DOCK9: variants seen among roughly 807,000 people sequenced by gnomAD.
The protein encoded by DOCK9 is dedicator of cytokinesis protein 9.
In DOCK9, 89 loss-of-function variants were observed where a neutral mutation model predicts 263.3. The ratio of observed to expected loss-of-function variants is 0.34; its 90% CI spans 0.28 to 0.40. DOCK9 has a LOEUF of 0.40. Ranked by LOEUF, DOCK9 falls within the 10% of genes least tolerant of loss-of-function variation. The pLI, the probability that DOCK9 is intolerant of heterozygous loss-of-function variation, is 1.00. For missense variants in DOCK9, 2,140 were observed against 2,603.4 expected (o/e 0.82, Z 3.87); for synonymous variants, 976 against 973.1 (o/e 1.00, Z -0.06).
intron 27 of DOCK9, among the ~76,000 whole-genome samples, chr13:98,868,821 T>C (rs1203067166): frequency 6.6e-6 from 1 of 152,184 alleles, no homozygotes; most frequent in East Asian, 1.9e-4. Context: ...GAATTAACCC[T>C]CCTTCTTTCA....
At chr13:99,059,836 G>A (rs1247510225) in intron 1 of DOCK9, among the ~76,000 whole-genome samples, 1 of 152,002 alleles carries the variant, frequency 6.6e-6, no homozygotes, top group Non-Finnish European at 1.5e-5. Context: ...TCCAGTCCCT[G>A]GCAACCACTC....
intron 33 of DOCK9, chr13:98,860,171 G>A: frequency 7.4e-7 from 1 of 1,356,204 alleles, no homozygotes; most frequent in Non-Finnish European, 9.5e-7. Context: ...CAAACAGCGT[G>A]AGCCAGTGAT....
intron 2 of DOCK9, among the ~76,000 whole-genome samples, chr13:98,941,427 G>A (rs941812239): frequency 1.3e-5 from 2 of 152,206 alleles, no homozygotes; most frequent in Non-Finnish European, 2.9e-5. Context: ...TAGACTTTGA[G>A]AGTCATATGA....
At chr13:98,844,687 A>G (rs9582266) in intron 38 of DOCK9, among the ~76,000 whole-genome samples, 31,388 of 152,080 alleles carry the variant, frequency 0.21, 3,427 homozygotes, top group South Asian at 0.27. Flanking sequence ...GCCAATCTTC[A>G]TAACACTTAA....
At chr13:98,824,692 C>G (rs1011917195) in intron 44 of DOCK9, among the ~76,000 whole-genome samples, 188 bp from the exon 45 acceptor site, 1 of 152,158 alleles carries the variant, frequency 6.6e-6, no homozygotes, top group South Asian at 2.1e-4. Context: ...ATAGTGAACC[C>G]TAACCTCTTT....
intron 1 of DOCK9, among the ~76,000 whole-genome samples, chr13:99,061,860 GT>G (rs1223537433): frequency 6.7e-6 from 1 of 148,334 alleles, no homozygotes; most frequent in Non-Finnish European, 1.5e-5. Context: ...AAAGCTTTTT[GT>G]TTTTTGTTTT....
At chr13:98,909,246 C>G (rs1485964380) in intron 9 of DOCK9, among the ~76,000 whole-genome samples, 1 of 152,146 alleles carries the variant, frequency 6.6e-6, no homozygotes, top group Non-Finnish European at 1.5e-5. Context: ...CCCACCCCAC[C>G]CCATCCTGTA....
intron 1 of DOCK9, chr13:99,015,768 G>A (rs1399423026): frequency 4.6e-6 from 6 of 1,314,240 alleles, no homozygotes; most frequent in African/African-American, 1.5e-5. Context: ...ACTAGAATCC[G>A]CTCCTGCTCA....
chr13:98,829,110 C>A lies in DOCK9; in HGVS notation c.4965+197G>T, dbSNP rs536172574. 6.6e-6 allele frequency among the ~76,000 whole-genome samples: 1 copy of A among 152,200 alleles called. No individual in the cohort carries two copies. The highest frequency in any genetic ancestry group is 2.4e-5 in the African/African-American group (1 of 41,520). On this transcript the variant is annotated intron_variant, in intron 43 of 52. Transcript: ENST00000682017. This position sits in a 1 kb window ranked among gnomAD's most constrained non-coding sequence, Gnocchi z 4.1. ...ATGCTCTTTGTTGACAAAAATAACC[C>A]CTTACAATTTGTTTTAAATTATTAA...
At chr13:98,981,820 G>C (rs1254636310), upstream of DOCK9, among the ~76,000 whole-genome samples, 3 of 152,232 alleles carry the variant, frequency 2.0e-5, no homozygotes, top group Non-Finnish European at 4.4e-5. Context: ...GATGTGTGAG[G>C]ACATGAGGAT....
intron 1 of DOCK9, among the ~76,000 whole-genome samples, chr13:99,036,048 C>A (rs1887838290): frequency 6.6e-6 from 1 of 152,158 alleles, no homozygotes; most frequent in East Asian, 1.9e-4. Flanking sequence ...TGCCTGCCTA[C>A]CCTAGCCTCG....
At position 98,915,421 on chromosome 13, in the gene DOCK9, T is replaced by A; in HGVS notation, c.800A>T (p.Glu267Val). The stretch of plus-strand genomic sequence containing the variant: ...TAGAATTGTGATCCATTCTTCCATT[T>A]CCACTTCACTGTCTGCTGCCAAGAG... ...SYLLAADSEV[E>V]MEEWITILNK... Residue 267 changes from glutamate to valine, a missense_variant, in exon 8 of 53, where the codon GAA becomes GTA. Coordinates refer to ENST00000682017, the MANE Select transcript of DOCK9 (RefSeq NM_001366683.2). The A allele has an allele frequency of 2.5e-6, 4 of 1,614,030 alleles. No homozygotes were observed. The highest frequency in any genetic ancestry group is 3.4e-6 in the Non-Finnish European group (4 of 1,179,888).
At chr13:99,039,274 C>G (rs975047665) in intron 1 of DOCK9, among the ~76,000 whole-genome samples, 8 of 151,874 alleles carry the variant, frequency 5.3e-5, no homozygotes, top group African/African-American at 1.9e-4. Flanking sequence ...TCTTAAAAGC[C>G]ATGGCATTCC....
intron 23 of DOCK9, 82 bp from the exon 24 acceptor site, chr13:98,882,089 G>T: frequency 1.7e-6 from 2 of 1,157,654 alleles, no homozygotes; most frequent in Admixed American, 2.0e-5. Flanking sequence ...TCCAAACAAG[G>T]ATGGAAGAAC....
chr13:98,882,887 C>T (rs2045042842), intron 23 of DOCK9, among the ~76,000 whole-genome samples, 155 bp downstream of exon 23: 1 of 152,158 alleles, frequency 6.6e-6, no homozygotes, highest in Non-Finnish European at 1.5e-5. Context: ...TTCCTAGGTC[C>T]ACTTCTTACC....
upstream of DOCK9, among the ~76,000 whole-genome samples, chr13:99,087,658 C>A (rs1325435209): frequency 1.3e-5 from 2 of 152,186 alleles, no homozygotes; most frequent in Non-Finnish European, 2.9e-5. Context: ...CGCAGCCTAA[C>A]CCTCACAGGG....
At chr13:98,862,787 T>C (rs146954334) in intron 32 of DOCK9, among the ~76,000 whole-genome samples, 50 of 152,088 alleles carry the variant, frequency 3.3e-4, no homozygotes, top group African/African-American at 1.2e-3. Context: ...GCGATGCCAC[T>C]ACAAGCCAGA....
intron 45 of DOCK9, among the ~76,000 whole-genome samples, chr13:98,821,861 A>G (rs543554255): frequency 2.6e-5 from 4 of 152,332 alleles, no homozygotes; most frequent in African/African-American, 9.6e-5. Context: ...ATTATATCTA[A>G]TAATGTAGAT....
chr13:98,846,026 G>A lies in DOCK9; in HGVS notation c.4096C>T (p.Arg1366Ter), dbSNP rs1300529234. 6 of 1,597,912 alleles carry A rather than the reference G, an allele frequency of 3.8e-6. No homozygotes were observed. Among genetic ancestry groups the A allele is most frequent in the South Asian group, 2.3e-5 (2 of 88,132 alleles). The change falls in exon 38 of 53, where the codon CGA becomes TGA. Residue 1366 changes from arginine to a stop codon, truncating the protein, a stop_gained. Coordinates refer to ENST00000682017, the MANE Select transcript of DOCK9 (RefSeq NM_001366683.2). LOFTEE classifies it high-confidence loss of function. Reference protein sequence around the residue: ...QEGLGPIVHDRKSQTLPVSRN... With the variant: ...QEGLGPIVHD The stretch of plus-strand genomic sequence containing the variant: ...GAAACAGGCAATGTCTGAGACTTTC[G>A]ATCATGAACTATGGGTCCCAACCCC...
Sources: allele counts gnomAD v4.1 joint callset (sites outside exome capture counted in the v4.1 genomes callset), GRCh38; gene constraint gnomAD v4.1.1; non-coding constraint Gnocchi (gnomAD v3.1); transcripts MANE v1.5; gene names NCBI Gene and HGNC (gene_info 2026-07-23, HGNC 2026-07-21).